The following POLR1B variants were observed in gnomAD, a reference collection of about 807,000 sequenced individuals.
POLR1B encodes RNA polymerase I subunit B.
POLR1B carries 30 observed loss-of-function variants against 105.8 expected under a neutral mutation model. The observed-to-expected ratio is 0.28, with a 90% confidence interval of 0.21 to 0.38. POLR1B has a LOEUF of 0.38. POLR1B is among the 10% of genes least tolerant of loss of function. POLR1B has a pLI of 1.00. For synonymous variants in POLR1B, 485 were observed against 505.1 expected (o/e 0.96, Z 0.53); for missense variants, 976 against 1,435.8 (o/e 0.68, Z 5.17).
intron 7 of POLR1B, among the ~76,000 whole-genome samples, chr2:112,556,971 C>T (rs1683695056): frequency 6.6e-6 from 1 of 152,088 alleles, no homozygotes; most frequent in African/African-American, 2.4e-5. Flanking sequence ...TTCGAAATCC[C>T]CTCTTCTAGC....
rs544586102 is a variant in POLR1B at position 112,552,632 on chromosome 2, T to C, written c.987-13T>C. The C allele has an allele frequency of 1.7e-5, 25 of 1,511,660 alleles. No individual in the cohort carries two copies. The highest frequency in any genetic ancestry group is 4.4e-5 in the African/African-American group (3 of 68,480). The allele number at this position is 1,511,660 out of a possible 1,614,324, so 93.6% of individuals were successfully genotyped here. On this transcript the variant is annotated splice_polypyrimidine_tract_variant and intron_variant, in intron 6 of 14. Coordinates refer to ENST00000263331, the MANE Select transcript of POLR1B (RefSeq NM_019014.6). The stretch of plus-strand genomic sequence containing the variant: ...GAATTGTTTTAAGCTTTTTTTTTTT[T>C]CTGTTTTCACAGCCAGTGCATCTGT...
At position 112,568,768 on chromosome 2, in the gene POLR1B, T is replaced by C. The variant is rs1173960258; in HGVS notation, c.1940T>C (p.Phe647Ser). 15 of 1,614,098 alleles carry C rather than the reference T, an allele frequency of 9.3e-6. No homozygotes were observed. Among genetic ancestry groups the C allele is most frequent in the Non-Finnish European group, 1.3e-5 (15 of 1,180,006 alleles). Residue 647 changes from phenylalanine (F) to serine (S), a missense_variant, in exon 12 of 15, where the codon TTT (phenylalanine) becomes TCT (serine). Phe to Ser is a radical substitution (Grantham distance 155). Coordinates refer to ENST00000263331, the MANE Select transcript of POLR1B (RefSeq NM_019014.6). ...MEQIFMNVAI[F>S]EDEVFAGVTT... ...CAGATCTTCATGAATGTCGCTATCT[T>C]TGAGGATGAAGTTTTTGCTGGAGTT...
chr2:112,571,256 CAA>C (rs1684575073), intron 12 of POLR1B, among the ~76,000 whole-genome samples: 1 of 152,046 alleles, frequency 6.6e-6, no homozygotes, highest in African/African-American at 2.4e-5. Flanking sequence ...GAGTATAAGT[CAA>C]GTTTCACCAT....
At chr2:112,542,818 G>T in intron 1 of POLR1B, 147 bp downstream of exon 1, 1 of 960,954 alleles carries the variant, frequency 1.0e-6, no homozygotes, top group Non-Finnish European at 1.5e-6. Flanking sequence ...ATGTTAAACA[G>T]GACGCGGTAC....
At chr2:112,550,646 AGTTTCGGTTATTTTACATTAGT>A in intron 4 of POLR1B, 198 bp from the exon 5 acceptor site, 1 of 558,744 alleles carries the variant, frequency 1.8e-6, no homozygotes, top group Non-Finnish European at 3.2e-6. Context: ...TTAAATTCAT[AGTTTCGGTTATTTTACATTAGT>A]GTTTCTCAAT....
rs1684971509 is a variant in POLR1B at position 112,578,726 on chromosome 2, T to C, written c.*2997T>C. 6.6e-6 allele frequency among the ~76,000 whole-genome samples: 1 copy of C among 152,174 alleles called. No homozygotes were observed. The highest frequency in any genetic ancestry group is 2.1e-4 in the South Asian group (1 of 4,832). ...GAAACCATGGATAGTATATACACTA[T>C]CCATATGTGCTATATGTACTATATG... On this transcript the variant is annotated 3_prime_UTR_variant, in exon 15 of 15. Transcript: ENST00000263331.
In POLR1B at chr2:112,552,645, C is replaced by A; in HGVS notation, c.987C>A (p.Asn329Lys). ...PNEQAAEFLFNQCICIHLKSN... is the reference protein window; with the variant it reads ...PNEQAAEFLFKQCICIHLKSN... ...CTTTTTTTTTTTTCTGTTTTCACAGCCAGTGCATCTGTATCCACTTGAAAT... is the reference window on the plus strand; with the variant it reads ...CTTTTTTTTTTTTCTGTTTTCACAGACAGTGCATCTGTATCCACTTGAAAT... Residue 329 changes from asparagine (N) to lysine (K), a missense_variant and splice_region_variant, in exon 7 of 15, where the codon AAC becomes AAA. Physicochemically the swap from Asn to Lys is moderately conservative, Grantham distance 94. Around this residue, in one of 12 missense-constraint regions of POLR1B, gnomAD observed 452 missense variants for 616.5 expected, o/e 0.73. Transcript: ENST00000263331. The A allele has an allele frequency of 1.3e-6, 2 of 1,545,746 alleles. No homozygotes were observed. The highest frequency in any genetic ancestry group is 1.2e-5 in the South Asian group (1 of 81,276).
At chr2:112,558,182 A>C in intron 8 of POLR1B, 101 bp downstream of exon 8, 2 of 947,968 alleles carry the variant, frequency 2.1e-6, no homozygotes, top group Non-Finnish European at 1.4e-6. Context: ...ACCCCACGAA[A>C]AAAGTAAATT....
chr2:112,553,776 G>A (rs1265464494), intron 7 of POLR1B: 1 of 152,228 alleles, frequency 6.6e-6, no homozygotes, highest in Non-Finnish European at 1.5e-5. Flanking sequence ...TATGACCAGA[G>A]ACTTGCAGGA....
rs934631858 is a variant in POLR1B, at chr2:112,576,939, A to C, written c.*1210A>C. 2 of 152,194 alleles carry C rather than the reference A, an allele frequency of 1.3e-5. No individual in the cohort carries two copies. The highest frequency in any genetic ancestry group is 4.8e-5 in the African/African-American group (2 of 41,440). 9.4% of individuals were successfully genotyped at this position (152,194 alleles called of 1,614,324 possible). ...TTTTATATTGATCTGCTTTCATAGC[A>C]GTGTGTAGAGTGCCACTTATGTTTT... On this transcript the variant is annotated 3_prime_UTR_variant, in exon 15 of 15. Coordinates refer to ENST00000263331, the MANE Select transcript of POLR1B (RefSeq NM_019014.6).
Position 112,572,413 on chromosome 2 carries a change from T to C in POLR1B, c.2075-149T>C, listed in dbSNP as rs1264591853. On this transcript the variant is annotated intron_variant, in intron 12 of 14. Transcript: ENST00000263331. ...AGGTTTACTTCATTTTCACAGCTTA[T>C]GTATTAGTCTAAAGTAAGCATAACT... 98 of 528,806 alleles carry C rather than the reference T, an allele frequency of 1.9e-4. 1 individual carries two copies. The highest frequency in any genetic ancestry group is 1.7e-4 in the Non-Finnish European group (55 of 316,058). The allele number at this position is 528,806 out of a possible 1,614,324, so 32.8% of individuals were successfully genotyped here.
At chr2:112,570,142 A>G (rs1684519454) in intron 12 of POLR1B, among the ~76,000 whole-genome samples, 1 of 149,172 alleles carries the variant, frequency 6.7e-6, no homozygotes, top group African/African-American at 2.5e-5. Context: ...TCTGCCTCCC[A>G]TGTTCAATAA....
intron 3 of POLR1B, among the ~76,000 whole-genome samples, chr2:112,548,802 CG>C (rs1480006786): frequency 1.3e-5 from 2 of 152,046 alleles, no homozygotes; most frequent in Non-Finnish European, 2.9e-5. Context: ...TTAGTAGAGA[CG>C]GGGTTTCACC....
intron 9 of POLR1B, among the ~76,000 whole-genome samples, chr2:112,564,147 G>A (rs533600677): frequency 1.3e-5 from 2 of 152,280 alleles, no homozygotes; most frequent in East Asian, 3.9e-4. Context: ...TGCCAGCACA[G>A]AGACACAAAG....
rs527465725 is a variant in POLR1B, at chr2:112,565,269, A to G, written c.1746+770A>G. Among the ~76,000 whole-genome samples the G allele has an allele frequency of 2.3e-3, 357 of 152,316 alleles. 3 individuals are homozygous for G. Among genetic ancestry groups the G allele is most frequent in the African/African-American group, 8.4e-3 (348 of 41,580 alleles). Reference sequence around the variant, plus strand: ...TAGAGCAAAGATGTTTAATCAGTACATGGGACCCCCCTGTATACACATTAC... The same window carrying G: ...TAGAGCAAAGATGTTTAATCAGTACGTGGGACCCCCCTGTATACACATTAC... On this transcript the variant is annotated intron_variant, in intron 10 of 14. Transcript: ENST00000263331.
In POLR1B at chr2:112,545,850, GGCCCA is replaced by G. The variant is rs557195650; in HGVS notation, c.178-1158_178-1154del. The G allele has an allele frequency of 2.8e-3, 960 of 347,192 alleles. 2 individuals carry two copies. Among genetic ancestry groups the G allele is most frequent in the Non-Finnish European group, 4.2e-3 (760 of 178,896 alleles). The allele number at this position is 347,192 out of a possible 1,614,324, so 21.5% of individuals were successfully genotyped here. The stretch of plus-strand genomic sequence containing the variant: ...TTGTAGAGACGGGGTCTCCCTATGT[GGCCCA>G]GCCTGGTCTCAAACTCCTGAGCTCA... On this transcript the variant is annotated intron_variant, in intron 1 of 14. Coordinates refer to ENST00000263331, the MANE Select transcript of POLR1B (RefSeq NM_019014.6).
intron 1 of POLR1B, 117 bp from the exon 2 acceptor site, chr2:112,546,895 T>C (rs1683086225): frequency 9.0e-7 from 1 of 1,107,422 alleles, no homozygotes; most frequent in African/African-American, 1.6e-5. Flanking sequence ...CCTTTTTAGG[T>C]GTGTCATGGT....
intron 4 of POLR1B, among the ~76,000 whole-genome samples, chr2:112,549,824 G>A (rs1683268915): frequency 6.6e-6 from 1 of 152,070 alleles, no homozygotes; most frequent in Non-Finnish European, 1.5e-5. Flanking sequence ...AAATTGATGA[G>A]TACATTTTAA....
intron 7 of POLR1B, chr2:112,554,467 A>C (rs11123141): frequency 0.65 from 98,684 of 151,862 alleles, 32,834 homozygotes; most frequent in Middle Eastern, 0.79. Flanking sequence ...ATTCTTATTT[A>C]CATTCTTCCC....
Sources: allele counts gnomAD v4.1 joint callset (sites outside exome capture counted in the v4.1 genomes callset), GRCh38; gene constraint gnomAD v4.1.1; regional missense constraint gnomAD v4.1.1; transcripts MANE v1.5; gene names NCBI Gene and HGNC (gene_info 2026-07-23, HGNC 2026-07-21).